OSBPL8: variants seen among roughly 807,000 people sequenced by gnomAD.
OSBPL8 encodes oxysterol-binding protein-related protein 8.
In OSBPL8, 59 loss-of-function variants were observed where a neutral mutation model predicts 125.5. The observed-to-expected ratio is 0.47, with a 90% CI of 0.38 to 0.58. OSBPL8 has a LOEUF of 0.58. Ranked by LOEUF, OSBPL8 falls within the 20% of genes least tolerant of loss-of-function variation. The pLI is 0.00. For synonymous variants in OSBPL8, 330 were observed against 338.9 expected (o/e 0.97, Z 0.29); for missense variants, 758 against 1,047.8 (o/e 0.72, Z 3.82).
chr12:76,496,934 C>T (rs1879338821), intron 1 of OSBPL8, among the ~76,000 whole-genome samples: 1 of 152,176 alleles, frequency 6.6e-6, no homozygotes, highest in South Asian at 2.1e-4. Flanking sequence ...TCACTTCAGC[C>T]TCCCAAAGTG....
chr12:76,375,769 C>T (rs1952796022), intron 16 of OSBPL8, among the ~76,000 whole-genome samples: 1 of 149,982 alleles, frequency 6.7e-6, no homozygotes, highest in African/African-American at 2.4e-5. Context: ...GTCCTTTTTG[C>T]AGTGTATTTA....
chr12:76,368,567 T>C (rs910713622), intron 21 of OSBPL8, among the ~76,000 whole-genome samples: 1 of 152,260 alleles, frequency 6.6e-6, no homozygotes, highest in Non-Finnish European at 1.5e-5. Context: ...CTTTAGGCTC[T>C]GTTCACCTCA....
chr12:76,465,554 C>T (rs908432946), intron 2 of OSBPL8, among the ~76,000 whole-genome samples: 1 of 150,892 alleles, frequency 6.6e-6, no homozygotes, highest in Admixed American at 6.6e-5. Context: ...AGCAAGACTC[C>T]GTCTCAAAAA....
At chr12:76,529,875 T>C (rs1013384371) in intron 1 of OSBPL8, among the ~76,000 whole-genome samples, 1 of 152,216 alleles carries the variant, frequency 6.6e-6, no homozygotes, top group African/African-American at 2.4e-5. Flanking sequence ...CATTATTACA[T>C]AATGTAGTCA....
chr12:76,385,924 G>A (rs2136271459), intron 14 of OSBPL8: 1 of 414,938 alleles, frequency 2.4e-6, no homozygotes, highest in African/African-American at 2.1e-5. Flanking sequence ...AAAGGGCAGG[G>A]GGCATAGCAA....
intron 22 of OSBPL8, among the ~76,000 whole-genome samples, chr12:76,357,844 T>G (rs1366205200): frequency 6.6e-6 from 1 of 152,170 alleles, no homozygotes; most frequent in Non-Finnish European, 1.5e-5. Flanking sequence ...CAGTAGAGAT[T>G]ATGGCTTAAA....
rs757436125 is a variant in OSBPL8, at chr12:76,356,702, T to G, written c.2461A>C (p.Arg821=). The G allele has an allele frequency of 6.2e-7, 1 of 1,609,246 alleles. No individual in the cohort carries two copies. The highest frequency in any genetic ancestry group is 1.1e-5 in the South Asian group (1 of 90,336). ...TCTCCCAGTTCTATTCCTTTCTTTCTTCTTGTACTTGGTTTTACTGATTGA... is the reference window on the plus strand; with the variant it reads ...TCTCCCAGTTCTATTCCTTTCTTTCGTCTTGTACTTGGTTTTACTGATTGA... ...EAQSVKPSTR[R]KKGIELGDIQ... The change falls in exon 23 of 24, where the codon AGA becomes CGA. Residue 821 remains arginine (R), a synonymous_variant. Coordinates refer to ENST00000261183, the MANE Select transcript of OSBPL8 (RefSeq NM_020841.5).
chr12:76,481,621 C>A (rs1398911238), intron 2 of OSBPL8, among the ~76,000 whole-genome samples: 2 of 152,018 alleles, frequency 1.3e-5, no homozygotes, highest in Non-Finnish European at 2.9e-5. Flanking sequence ...CGGAGCAAGA[C>A]CCTGTCTCTG....
intron 1 of OSBPL8, among the ~76,000 whole-genome samples, chr12:76,502,361 G>C (rs763685591): frequency 6.6e-6 from 1 of 152,120 alleles, no homozygotes; most frequent in Non-Finnish European, 1.5e-5. Flanking sequence ...GCCTTCACCA[G>C]GAGACACAGC....
chr12:76,533,130 T>C (rs115863154), intron 1 of OSBPL8, among the ~76,000 whole-genome samples: 1,715 of 152,284 alleles, frequency 0.011, 33 homozygotes, highest in African/African-American at 0.039. Context: ...ATGTCAGACA[T>C]AGAACATTTT....
At chr12:76,429,787 G>A (rs1870595002) in intron 4 of OSBPL8, among the ~76,000 whole-genome samples, 1 of 152,060 alleles carries the variant, frequency 6.6e-6, no homozygotes, top group Admixed American at 6.6e-5. Context: ...ATTCAGCCAT[G>A]GGAATAATGC....
At chr12:76,416,433 A>G (rs1311857648) in intron 4 of OSBPL8, among the ~76,000 whole-genome samples, 1 of 152,094 alleles carries the variant, frequency 6.6e-6, no homozygotes, top group Non-Finnish European at 1.5e-5. Context: ...CACATTTCTT[A>G]GTAGAGAAGT....
rs548139594 is a variant in OSBPL8, at chr12:76,444,243, T to C, written c.217+6608A>G. ...TTCTTAAATTGATGGTAAGCAATCA[T>C]TCATTTATTATGAATGTAATTTAAG... On this transcript the variant is annotated intron_variant, in intron 4 of 23. Coordinates refer to ENST00000261183, the MANE Select transcript of OSBPL8 (RefSeq NM_020841.5). Among the ~76,000 whole-genome samples, 39 of 152,338 alleles carry C rather than the reference T, an allele frequency of 2.6e-4. No homozygotes were observed. The East Asian group carries it at 4.6e-3, about 18-fold the overall frequency.
rs1433955050 is a variant in OSBPL8 at position 76,389,797 on chromosome 12, A to C, written c.1200T>G (p.Ser400=). 6.4e-7 allele frequency: 1 copy of C among 1,555,398 alleles called. No homozygotes were observed. The change falls in exon 12 of 24, where the codon TCT becomes TCG. Residue 400 remains serine, a synonymous_variant. Coordinates refer to ENST00000261183, the MANE Select transcript of OSBPL8 (RefSeq NM_020841.5). The part of the protein sequence containing the change: ...AGEASQTETV[S]EENKSLIWTL... ...TCCAGATAAGGCTTTTGTTTTCTTC[A>C]GATACAGTTTCTGTTTGAGAAGCCT... is the stretch of plus-strand genomic sequence containing the variant.
At chr12:76,559,114 C>CA (rs1277325238) in intron 1 of OSBPL8, among the ~76,000 whole-genome samples, 1 of 152,170 alleles carries the variant, frequency 6.6e-6, no homozygotes, top group Non-Finnish European at 1.5e-5. Flanking sequence ...GAGGGACAGA[C>CA]ACCCGGGGCG....
At chr12:76,365,070 C>T (rs1180395270) in intron 21 of OSBPL8, among the ~76,000 whole-genome samples, 1 of 152,144 alleles carries the variant, frequency 6.6e-6, no homozygotes, top group Non-Finnish European at 1.5e-5. Context: ...ATCCTCCCAT[C>T]TCAGCTTCCC....
chr12:76,398,747 A>G (rs939109228), intron 7 of OSBPL8, among the ~76,000 whole-genome samples: 1 of 152,248 alleles, frequency 6.6e-6, no homozygotes. Flanking sequence ...AAATAGGCGT[A>G]TCACAGTAAC....
chr12:76,356,162 T>TGGGGGGGGGTTGGGAGGGGG, intron 23 of OSBPL8, 141 bp from the exon 24 acceptor site: 1 of 131,834 alleles, frequency 7.6e-6, no homozygotes, highest in Non-Finnish European at 1.6e-5. Flanking sequence ...TATGTAGGGG[T>TGGGGGGGGGTTGGGAGGGGG]GGGGGGGGGC....
chr12:76,480,360 C>T (rs1186078090), intron 2 of OSBPL8, among the ~76,000 whole-genome samples: 2 of 151,952 alleles, frequency 1.3e-5, no homozygotes, highest in Non-Finnish European at 2.9e-5. Flanking sequence ...AAGATTTGTT[C>T]AAAAACTCTG....
Sources: gnomAD v4.1 joint callset for allele counts (sites outside exome capture counted in the v4.1 genomes callset) on GRCh38, gnomAD v4.1.1 for gene constraint, MANE v1.5 for transcripts, NCBI Gene and HGNC (gene_info 2026-07-23, HGNC 2026-07-21) for gene names.